Variants in RBFOX1 observed in about 807,000 individuals in gnomAD.
RBFOX1 encodes the protein RNA binding protein fox-1 homolog 1.
RBFOX1 carries 8 observed loss-of-function variants against 57.7 expected under a neutral mutation model. That is an observed-to-expected ratio of 0.14 (90% CI 0.08 to 0.25). RBFOX1 has a LOEUF of 0.25. RBFOX1 is among the 10% of genes least tolerant of loss of function. The pLI is 1.00. For synonymous variants in RBFOX1, 326 were observed against 222.4 expected, an observed-to-expected ratio of 1.47 and a Z score of -4.15; for missense variants, 611 against 548.5, an observed-to-expected ratio of 1.11 and a Z score of -1.14.
At chr16:5,413,458 A>G (rs2067079157) in intron 1 of RBFOX1, among the ~76,000 whole-genome samples, 1 of 152,234 alleles carries the variant, frequency 6.6e-6, no homozygotes, top group African/African-American at 2.4e-5. Flanking sequence ...TTAAAATACA[A>G]TAAAATTCAG....
chr16:6,171,787 C>T (rs1222062669), intron 1 of RBFOX1, among the ~76,000 whole-genome samples: 1 of 148,546 alleles, frequency 6.7e-6, no homozygotes, highest in Non-Finnish European at 1.5e-5. Flanking sequence ...GTCTGGGTGA[C>T]TTGGCTGTTT....
intron 1 of RBFOX1, among the ~76,000 whole-genome samples, chr16:5,264,904 G>A (rs1308040012): frequency 4.6e-5 from 7 of 152,254 alleles, no homozygotes; most frequent in African/African-American, 1.7e-4. Flanking sequence ...TGTAGCATAA[G>A]TGAGAAAAAC....
chr16:6,932,366 C>G (rs767963359), intron 3 of RBFOX1, among the ~76,000 whole-genome samples: 2 of 152,182 alleles, frequency 1.3e-5, no homozygotes, highest in Non-Finnish European at 2.9e-5. Context: ...CTCAGGCTCC[C>G]TAAGTGCTGG....
intron 4 of RBFOX1, among the ~76,000 whole-genome samples, chr16:7,058,713 A>C (rs1192540546): frequency 1.3e-5 from 2 of 152,194 alleles, no homozygotes; most frequent in Admixed American, 1.3e-4. Context: ...GTTGGATATT[A>C]ATGGATTTTT....
At chr16:6,137,908 C>T (rs1260401336) in intron 1 of RBFOX1, among the ~76,000 whole-genome samples, 3 of 152,110 alleles carry the variant, frequency 2.0e-5, no homozygotes, top group Non-Finnish European at 4.4e-5. Flanking sequence ...GTACACCAGG[C>T]CTTCACAGCA....
intron 4 of RBFOX1, among the ~76,000 whole-genome samples, chr16:5,909,836 G>T (rs1055848964): frequency 1.3e-5 from 2 of 152,116 alleles, no homozygotes; most frequent in Non-Finnish European, 2.9e-5. Flanking sequence ...CAGATCACTT[G>T]AGGTCAGGAG....
intron 1 of RBFOX1, among the ~76,000 whole-genome samples, chr16:5,335,143 C>G (rs1030323414): frequency 6.6e-6 from 1 of 152,270 alleles, no homozygotes; most frequent in African/African-American, 2.4e-5. Flanking sequence ...AATTTCTTAT[C>G]TCTTTGGCTG....
At chr16:6,216,633 A>G (rs1167066881) in intron 1 of RBFOX1, among the ~76,000 whole-genome samples, 3 of 152,166 alleles carry the variant, frequency 2.0e-5, no homozygotes, top group African/African-American at 4.8e-5. Context: ...AAATGCTGTA[A>G]CTTTGATTTG....
At chr16:7,246,193 T>A (rs2094291315) in intron 4 of RBFOX1, among the ~76,000 whole-genome samples, 2 of 152,224 alleles carry the variant, frequency 1.3e-5, no homozygotes, top group Non-Finnish European at 1.5e-5. Context: ...ATTAGGGAAG[T>A]TAGGACTGCT....
intron 3 of RBFOX1, among the ~76,000 whole-genome samples, chr16:6,672,013 T>G (rs1416067041): frequency 1.3e-5 from 2 of 152,242 alleles, no homozygotes; most frequent in South Asian, 2.1e-4. Context: ...TGTTAACTTA[T>G]GCACTGTACC....
At chr16:5,444,319 T>C (rs2068175847) in intron 1 of RBFOX1, among the ~76,000 whole-genome samples, 1 of 152,216 alleles carries the variant, frequency 6.6e-6, no homozygotes, top group Non-Finnish European at 1.5e-5. Flanking sequence ...ATCTGATCAC[T>C]CAGAGCTTTA....
intron 1 of RBFOX1, among the ~76,000 whole-genome samples, chr16:6,174,225 G>A (rs2096985556): frequency 6.6e-6 from 1 of 152,138 alleles, no homozygotes; most frequent in South Asian, 2.1e-4. Context: ...TGGTGGAGAG[G>A]AGGCAAGATC....
chr16:5,654,653 TCACA>T (rs1360600343), intron 3 of RBFOX1, among the ~76,000 whole-genome samples: 4 of 152,162 alleles, frequency 2.6e-5, no homozygotes, highest in African/African-American at 4.8e-5. Flanking sequence ...CGCATCTCAT[TCACA>T]ACCTGGCATG....
chr16:5,523,482 G>A (rs1597390811), intron 2 of RBFOX1, among the ~76,000 whole-genome samples: 2 of 152,098 alleles, frequency 1.3e-5, no homozygotes, highest in Non-Finnish European at 2.9e-5. Context: ...CAGGTGTGAT[G>A]GTGAGTGTCT....
intron 3 of RBFOX1, among the ~76,000 whole-genome samples, chr16:6,795,208 C>G (rs539862369): frequency 6.6e-6 from 1 of 152,242 alleles, no homozygotes; most frequent in East Asian, 1.9e-4. Flanking sequence ...TTTGTGACTT[C>G]TAGGTTACCC....
intron 4 of RBFOX1, among the ~76,000 whole-genome samples, chr16:7,375,381 G>C (rs558119169): frequency 1.3e-5 from 2 of 152,218 alleles, no homozygotes; most frequent in Admixed American, 1.3e-4. Context: ...AAATTAAAAT[G>C]GAATATCCAG....
intron 3 of RBFOX1, among the ~76,000 whole-genome samples, chr16:5,636,061 A>C (rs1007124042): frequency 3.3e-5 from 5 of 152,136 alleles, no homozygotes; most frequent in Non-Finnish European, 7.3e-5. Flanking sequence ...AAAGAGAAAA[A>C]AAAAAGGCTG....
intron 4 of RBFOX1, among the ~76,000 whole-genome samples, chr16:7,357,418 G>T (rs2146360040): frequency 6.6e-6 from 1 of 152,278 alleles, no homozygotes; most frequent in South Asian, 2.1e-4. Flanking sequence ...GAGTGGTGGT[G>T]AGGTGCATGA....
At chr16:7,626,996 C>T (rs1231955132) in intron 10 of RBFOX1, among the ~76,000 whole-genome samples, 1 of 152,062 alleles carries the variant, frequency 6.6e-6, no homozygotes, top group Non-Finnish European at 1.5e-5. Context: ...AAGGATCTAT[C>T]AGGGAGGTTT....
Sources: gnomAD v4.1 joint callset for allele counts (sites outside exome capture counted in the v4.1 genomes callset) on GRCh38, gnomAD v4.1.1 for gene constraint, MANE v1.5 for transcripts, NCBI Gene and HGNC (gene_info 2026-07-23, HGNC 2026-07-21) for gene names.